ARFGAP1: variants seen among roughly 807,000 people sequenced by gnomAD.
The protein encoded by ARFGAP1 is ARF GTPase activating protein 1.
In ARFGAP1, 26 loss-of-function variants were observed where a neutral mutation model predicts 54.0. That is an observed-to-expected ratio of 0.48 (90% confidence interval 0.35 to 0.67). ARFGAP1 has a LOEUF of 0.67. Among genes scored for constraint, ARFGAP1 ranks in the 30% least tolerant of loss-of-function variants. ARFGAP1 has a pLI of 0.00. For missense variants in ARFGAP1, 525 were observed against 535.8 expected (o/e 0.98, Z 0.20); for synonymous variants, 248 against 211.9 (o/e 1.17, Z -1.48).
At chr20:63,278,236 G>T in intron 6 of ARFGAP1, 33 bp downstream of exon 6, 2 of 1,601,272 alleles carry the variant, frequency 1.2e-6, no homozygotes, top group South Asian at 1.1e-5. Context: ...CGCCTGGCGT[G>T]GGCCAGGCCC....
At chr20:63,287,109 A>G (rs1268978295) in intron 12 of ARFGAP1, among the ~76,000 whole-genome samples, 1 of 152,240 alleles carries the variant, frequency 6.6e-6, no homozygotes, top group Non-Finnish European at 1.5e-5. Flanking sequence ...TGCAGACGCC[A>G]TGTCCCTTCT....
At chr20:63,284,427 C>T (rs912825976) in intron 9 of ARFGAP1, 1 of 1,081,942 alleles carries the variant, frequency 9.2e-7, no homozygotes. Flanking sequence ...TTCTCAGCAG[C>T]TTCTTCCTAT....
chr20:63,284,327 T>C, intron 9 of ARFGAP1: 6 of 1,072,414 alleles, frequency 5.6e-6, no homozygotes, highest in Non-Finnish European at 6.8e-6. Flanking sequence ...GCTCCCTGCC[T>C]TTGGGGGAAG....
Position 63,275,622 on chromosome 20 carries a change from G to A in ARFGAP1, c.42G>A (p.Arg14=). The change falls in exon 2 of 13, where the codon AGG becomes AGA. Residue 14 remains arginine (R), a synonymous_variant. Transcript: ENST00000370283. Reference sequence around the variant, plus strand: ...CCAGGAAGGTTCTTAAAGAAGTCAGGGTGCAGGATGAGAACAACGTAAGCC... The same window carrying A: ...CCAGGAAGGTTCTTAAAGAAGTCAGAGTGCAGGATGAGAACAACGTAAGCC... The part of the protein sequence containing the change: ...PRTRKVLKEV[R]VQDENNVCFE... 1 of 1,613,876 alleles carries A rather than the reference G, an allele frequency of 6.2e-7. No homozygotes were observed. Among genetic ancestry groups the A allele is most frequent in the Non-Finnish European group, 8.5e-7 (1 of 1,180,002 alleles).
At chr20:63,281,399 T>C in intron 8 of ARFGAP1, 52 bp downstream of exon 8, 1 of 1,542,382 alleles carries the variant, frequency 6.5e-7, no homozygotes, top group Non-Finnish European at 8.7e-7. Flanking sequence ...CTCGGGACAC[T>C]GGCTGCTGCT....
rs755935256 is a variant in ARFGAP1, at chr20:63,275,687, A to G, written c.60+47A>G. 17 of 1,582,732 alleles carry G rather than the reference A, an allele frequency of 1.1e-5. No homozygotes were observed. The East Asian group carries it at 3.6e-4, about 33-fold the overall frequency. ...CCCGCCCTAAGGCTTGGTCAGGGTCAGTGAGTTCCGGGAAGTTGTACTCTG... is the reference window on the plus strand; with the variant it reads ...CCCGCCCTAAGGCTTGGTCAGGGTCGGTGAGTTCCGGGAAGTTGTACTCTG... On this transcript the variant is annotated intron_variant, in intron 2 of 12. Coordinates refer to ENST00000370283, the MANE Select transcript of ARFGAP1 (RefSeq NM_018209.4).
In ARFGAP1 at chr20:63,283,179, T is replaced by A. The variant is rs1017550601; in HGVS notation, c.717+328T>A. 23 of 442,400 alleles carry A rather than the reference T, an allele frequency of 5.2e-5. 1 individual carries two copies. The highest frequency in any genetic ancestry group is 3.4e-4 in the African/African-American group (17 of 50,566). The allele number at this position is 442,400 out of a possible 1,614,324, so 27.4% of individuals were successfully genotyped here. On this transcript the variant is annotated intron_variant, in intron 9 of 12. Coordinates refer to ENST00000370283, the MANE Select transcript of ARFGAP1 (RefSeq NM_018209.4). ...GATGGCCCACGCTGGCGGTGGCCGC[T>A]CAGCCAGAAGGGCCGCTGTGGTTGG...
In ARFGAP1 at chr20:63,277,324, G is replaced by A; in HGVS notation, c.443+19G>A. 1.1e-5 allele frequency: 17 copies of A among 1,602,534 alleles called. No individual in the cohort carries two copies. The highest frequency in any genetic ancestry group is 1.4e-5 in the Non-Finnish European group (17 of 1,174,888). ...TGCACCGGTAGCTGCTCCTCGTGGG[G>A]CCTTAGTACAGTTTCCACTGGGTCC... is the stretch of plus-strand genomic sequence containing the variant. On this transcript the variant is annotated intron_variant, in intron 5 of 12. Coordinates refer to ENST00000370283, the MANE Select transcript of ARFGAP1 (RefSeq NM_018209.4).
In ARFGAP1 at chr20:63,276,550, G is replaced by A. The variant is rs1175201889; in HGVS notation, c.241G>A (p.Ala81Thr). Residue 81 changes from alanine to threonine, a missense_variant, in exon 4 of 13, where the codon GCT becomes ACT. Transcript: ENST00000370283. This position sits in a 1 kb window ranked among gnomAD's most constrained non-coding sequence, Gnocchi z 5.2. ...ELEKMKAGGN[A>T]KFREFLESQE... Reference sequence around the variant, plus strand: ...TGAGAAGATGAAAGCTGGTGGGAATGCTAAGTTCCGAGAGTTCCTGGAGTC... The same window carrying A: ...TGAGAAGATGAAAGCTGGTGGGAATACTAAGTTCCGAGAGTTCCTGGAGTC... 1.2e-6 allele frequency: 2 copies of A among 1,613,984 alleles called. No individual in the cohort carries two copies. Among genetic ancestry groups the A allele is most frequent in the African/African-American group, 1.3e-5 (1 of 74,936 alleles).
At chr20:63,277,482 A>G (rs1291742943) in intron 5 of ARFGAP1, among the ~76,000 whole-genome samples, 177 bp downstream of exon 5, 1 of 152,216 alleles carries the variant, frequency 6.6e-6, no homozygotes, top group Admixed American at 6.5e-5. Context: ...GTAAATTTAG[A>G]CACCCATAGA....
chr20:63,286,208 C>T (rs1285213386), intron 11 of ARFGAP1, 158 bp from the exon 12 acceptor site: 32 of 1,549,060 alleles, frequency 2.1e-5, no homozygotes, highest in East Asian at 2.4e-5. Context: ...GTGGCCGGGG[C>T]GTCTGTGTCT....
In ARFGAP1 at chr20:63,276,358, C is replaced by A; in HGVS notation, c.171-122C>A. ...ACGCCATGGCACAGAGTTCCAGCTG[C>A]TGGCCACTCAGCCTCCCTGCGGCTG... On this transcript the variant is annotated intron_variant, in intron 3 of 12. Coordinates refer to ENST00000370283, the MANE Select transcript of ARFGAP1 (RefSeq NM_018209.4). The surrounding 1 kb of genome is among the most constrained non-coding windows in gnomAD (Gnocchi z 5.2). The A allele has an allele frequency of 1.4e-6, 2 of 1,403,060 alleles. No homozygotes were observed. The highest frequency in any genetic ancestry group is 4.7e-5 in the East Asian group (2 of 42,968). 86.9% of individuals were successfully genotyped at this position (1,403,060 alleles called of 1,614,324 possible).
chr20:63,277,152 A>C lies in ARFGAP1; in HGVS notation c.343-53A>C, dbSNP rs182576504. 452 of 1,517,868 alleles carry C rather than the reference A, an allele frequency of 3.0e-4. 4 individuals carry two copies. The African/African-American group carries it at 4.8e-3, about 16-fold the overall frequency. 94.0% of individuals were successfully genotyped at this position (1,517,868 alleles called of 1,614,324 possible). On this transcript the variant is annotated intron_variant, in intron 4 of 12. Transcript: ENST00000370283. ...GGTGCGCTGGAGTCGACGGTGCCCG[A>C]GGGCATCGCCAGGCGCCTTTATGCT...
chr20:63,281,529 G>C (rs1332616926), intron 8 of ARFGAP1, among the ~76,000 whole-genome samples, 182 bp downstream of exon 8: 1 of 152,180 alleles, frequency 6.6e-6, no homozygotes, highest in African/African-American at 2.4e-5. Context: ...TGGAGGTTCT[G>C]CAGGAACACA....
chr20:63,286,742 T>G, intron 12 of ARFGAP1: 6 of 210,936 alleles, frequency 2.8e-5, no homozygotes, highest in South Asian at 1.2e-4. Context: ...CTGCAGGAGC[T>G]GGGCTCCCCA....
intron 9 of ARFGAP1, chr20:63,283,824 C>T (rs1321595869): frequency 6.2e-6 from 10 of 1,613,356 alleles, no homozygotes; most frequent in Non-Finnish European, 8.5e-6. Context: ...GCTCTCTCCT[C>T]ACCTGTCTTC....
chr20:63,286,694 C>CCTGCCTGTCT, intron 12 of ARFGAP1: 2 of 518,532 alleles, frequency 3.9e-6, no homozygotes, highest in East Asian at 3.4e-5. Context: ...AGAGGCCTGT[C>CCTGCCTGTCT]CTGCCTGTCT....
chr20:63,286,357 T>G lies in ARFGAP1; in HGVS notation c.835-9T>G. 9.3e-6 allele frequency: 15 copies of G among 1,613,228 alleles called. No individual in the cohort carries two copies. Among genetic ancestry groups the G allele is most frequent in the Non-Finnish European group, 1.0e-5 (12 of 1,179,940 alleles). On this transcript the variant is annotated splice_polypyrimidine_tract_variant and intron_variant, in intron 11 of 12. Coordinates refer to ENST00000370283, the MANE Select transcript of ARFGAP1 (RefSeq NM_018209.4). ...GGCCTGCCTAACCTCTCTTCCCGTC[T>G]CCTTCCAGGTCCAGGGAGTCGGTAG...
In ARFGAP1 at chr20:63,276,684, G is replaced by A. The variant is rs1054879427; in HGVS notation, c.342+33G>A. ...TGGGCCCGATTCACTCTTGCCCATG[G>A]TGTGGGGCTGCCCTGCCGTTTGTGG... On this transcript the variant is annotated intron_variant, in intron 4 of 12. Coordinates refer to ENST00000370283, the MANE Select transcript of ARFGAP1 (RefSeq NM_018209.4). The surrounding 1 kb of genome is among the most constrained non-coding windows in gnomAD (Gnocchi z 5.2). The A allele has an allele frequency of 4.5e-5, 71 of 1,571,984 alleles. No individual in the cohort carries two copies. The highest frequency in any genetic ancestry group is 5.4e-5 in the Non-Finnish European group (63 of 1,157,148).
Sources: allele counts gnomAD v4.1 joint callset (sites outside exome capture counted in the v4.1 genomes callset), GRCh38; gene constraint gnomAD v4.1.1; non-coding constraint Gnocchi (gnomAD v3.1); transcripts MANE v1.5; gene names NCBI Gene and HGNC (gene_info 2026-07-23, HGNC 2026-07-21).